ZNF91: variants seen among roughly 807,000 people sequenced by gnomAD.
ZNF91 encodes zinc finger protein 91, also known as zinc finger protein 91 (HPF7, HTF10).
Under a neutral mutation model 12.6 loss-of-function variants are expected in ZNF91, and 7 were observed. That is an observed-to-expected ratio of 0.55 (90% CI 0.31 to 1.04). ZNF91 has a LOEUF of 1.04. Among genes scored for constraint, ZNF91 ranks in the 50% least tolerant of loss-of-function variants. ZNF91 has a pLI of 0.05. For synonymous variants in ZNF91, 453 were observed against 462.6 expected (o/e 0.98, Z 0.27); for missense variants, 1,217 against 1,385.4 (o/e 0.88, Z 1.93).
At chr19:23,314,391 G>A (rs973307145), upstream of ZNF91, among the ~76,000 whole-genome samples, 2 of 151,990 alleles carry the variant, frequency 1.3e-5, no homozygotes, top group African/African-American at 4.8e-5. Context: ...GTCCCTGGAT[G>A]CAGCCCACAG....
At chr19:23,348,876 C>T (rs189738067) in intron 3 of ZNF91, among the ~76,000 whole-genome samples, 215 of 152,148 alleles carry the variant, frequency 1.4e-3, no homozygotes, top group Non-Finnish European at 2.6e-3. Context: ...AATTAATAAC[C>T]CTGGGGAAGG....
intron 1 of ZNF91, among the ~76,000 whole-genome samples, chr19:23,382,769 A>C (rs1326322629): frequency 6.6e-6 from 1 of 152,178 alleles, no homozygotes; most frequent in Non-Finnish European, 1.5e-5. Context: ...AAATGAAAAA[A>C]AGTATTAAGG....
At chr19:23,365,255 A>C (rs538245123) in intron 3 of ZNF91, among the ~76,000 whole-genome samples, 2 of 151,686 alleles carry the variant, frequency 1.3e-5, no homozygotes, top group Non-Finnish European at 2.9e-5. Context: ...AAAATTTCCA[A>C]AATAAAAAGT....
intron 1 of ZNF91, among the ~76,000 whole-genome samples, chr19:23,389,225 T>C (rs1969979143): frequency 6.6e-6 from 1 of 152,102 alleles, no homozygotes; most frequent in African/African-American, 2.4e-5. Flanking sequence ...GTGCTACAGA[T>C]AGTGGCCCAG....
intron 3 of ZNF91, among the ~76,000 whole-genome samples, chr19:23,352,021 GA>G (rs1422102089): frequency 2.0e-5 from 3 of 152,198 alleles, no homozygotes; most frequent in Non-Finnish European, 4.4e-5. Context: ...GCAAGAATTT[GA>G]ATGAGGCAAG....
intron 3 of ZNF91, among the ~76,000 whole-genome samples, chr19:23,344,963 G>C (rs201672366): frequency 6.6e-6 from 1 of 152,230 alleles, no homozygotes; most frequent in Admixed American, 6.5e-5. Context: ...CATGCCCCTC[G>C]GTCACTGATC....
chr19:23,360,035 T>A lies in ZNF91; in HGVS notation c.2944A>T (p.Thr982Ser), dbSNP rs749308082. 8 of 1,613,316 alleles carry A rather than the reference T, an allele frequency of 5.0e-6. No homozygotes were observed. Among genetic ancestry groups the A allele is most frequent in the African/African-American group, 4.0e-5 (3 of 74,926 alleles). The change falls in exon 4 of 4, where the codon ACT becomes TCT. Residue 982 changes from threonine to serine, a missense_variant. Thr to Ser is a moderately conservative substitution (Grantham distance 58). This residue lies in a region of ZNF91 where 491 missense variants were observed against 489.8 expected (regional missense o/e 1.00). Coordinates refer to ENST00000300619, the MANE Select transcript of ZNF91 (RefSeq NM_003430.4). The part of the protein sequence containing the change: ...GKAFRKSSTL[T>S]EHKIIHTGEK... ...CCAGTATGAATTATCTTATGTTCAGTAAGAGTTGAAGATTTCCTAAAAGCT... is the reference window on the plus strand; with the variant it reads ...CCAGTATGAATTATCTTATGTTCAGAAAGAGTTGAAGATTTCCTAAAAGCT...
intron 3 of ZNF91, among the ~76,000 whole-genome samples, chr19:23,367,017 G>C (rs1298896516): frequency 6.6e-6 from 1 of 152,226 alleles, no homozygotes; most frequent in Non-Finnish European, 1.5e-5. Flanking sequence ...TGCCAGGTGG[G>C]TGGTGTAGCT....
chr19:23,326,724 T>A (rs1967845580), intron 1 of ZNF91: 1 of 152,178 alleles, frequency 6.6e-6, no homozygotes, highest in East Asian at 1.9e-4. Flanking sequence ...TACTACACAT[T>A]CAGCAAAGGA....
chr19:23,352,218 C>T (rs2145030604), intron 3 of ZNF91, among the ~76,000 whole-genome samples: 1 of 152,256 alleles, frequency 6.6e-6, no homozygotes, highest in African/African-American at 2.4e-5. Flanking sequence ...GAAAGTGAGA[C>T]CCGCTCTTTG....
intron 1 of ZNF91, among the ~76,000 whole-genome samples, chr19:23,378,604 T>C (rs1969588005): frequency 1.3e-5 from 2 of 152,214 alleles, no homozygotes; most frequent in South Asian, 4.1e-4. Context: ...TTTTAGATGA[T>C]AAATAAGTAT....
Position 23,395,470 on chromosome 19 carries a change from A to G in ZNF91, c.-116T>C. On this transcript the variant is annotated 5_prime_UTR_variant, in exon 1 of 4. Coordinates refer to ENST00000300619, the MANE Select transcript of ZNF91 (RefSeq NM_003430.4). ...CTGGAAACTCCGGCGGCAGCGAGAG[A>G]CAAAGGCCCAGCCACATCCCGGAAG... 7.8e-7 allele frequency: 1 copy of G among 1,281,364 alleles called. No individual in the cohort carries two copies. The highest frequency in any genetic ancestry group is 1.1e-6 in the Non-Finnish European group (1 of 908,558). 79.4% of individuals were successfully genotyped at this position (1,281,364 alleles called of 1,614,324 possible).
intron 3 of ZNF91, among the ~76,000 whole-genome samples, chr19:23,348,532 A>G (rs972812398): frequency 6.6e-6 from 1 of 152,184 alleles, no homozygotes; most frequent in East Asian, 1.9e-4. Context: ...TCATCTTTGT[A>G]AGCTGAGGAT....
chr19:23,344,015 T>G (rs148712887), intron 3 of ZNF91, among the ~76,000 whole-genome samples: 1 of 152,212 alleles, frequency 6.6e-6, no homozygotes, highest in Admixed American at 6.5e-5. Flanking sequence ...AATGGACAGA[T>G]TGGCATCAGG....
In ZNF91 at chr19:23,361,288, T is replaced by C. The variant is rs541056564; in HGVS notation, c.1691A>G (p.His564Arg). The C allele has an allele frequency of 6.2e-6, 10 of 1,613,648 alleles. No homozygotes were observed. The African/African-American group carries it at 1.2e-4, about 19-fold the overall frequency. The change falls in exon 4 of 4, where the codon CAT (histidine) becomes CGT (arginine). Residue 564 changes from histidine (H) to arginine (R), a missense_variant. By Grantham distance (29) the His-to-Arg change is conservative (BLOSUM62 0). This residue lies in a region of ZNF91 where 726 missense variants were observed against 895.5 expected (regional missense o/e 0.81). Transcript: ENST00000300619. Reference protein sequence around the residue: ...AFKQFSTLTTHKIIHAGKKLY... With the variant: ...AFKQFSTLTTRKIIHAGKKLY... ...TTTCTTTCCAGCATGAATTATTTTA[T>C]GTGTAGTAAGGGTTGAGAATTGCTT...
At chr19:23,337,737 A>G (rs1968043299), downstream of ZNF91, 1 of 152,054 alleles carries the variant, frequency 6.6e-6, no homozygotes, top group South Asian at 2.1e-4. Context: ...AGAAATCTGA[A>G]AACCAGTACA....
intron 1 of ZNF91, among the ~76,000 whole-genome samples, chr19:23,322,635 A>G (rs554490757): frequency 6.6e-6 from 1 of 150,912 alleles, no homozygotes; most frequent in Non-Finnish European, 1.5e-5. Context: ...TCACAAAGTG[A>G]TAACTTTTTT....
At position 23,376,024 on chromosome 19, in the gene ZNF91, T is replaced by C. The variant is rs1010180399; in HGVS notation, c.31-1260A>G. 9.9e-5 allele frequency among the ~76,000 whole-genome samples: 15 copies of C among 152,218 alleles called. 1 individual carries two copies. Among genetic ancestry groups the C allele is most frequent in the Admixed American group, 5.2e-4 (8 of 15,282 alleles). ...ATTTTTAATAGTGATTTTAAGTACT[T>C]TCTTTAACACCCTAATAAGCAGCTA... On this transcript the variant is annotated intron_variant, in intron 1 of 3. Coordinates refer to ENST00000300619, the MANE Select transcript of ZNF91 (RefSeq NM_003430.4).
intron 1 of ZNF91, among the ~76,000 whole-genome samples, chr19:23,387,751 CCAACAT>C (rs1045849023): frequency 1.8e-4 from 27 of 150,824 alleles, no homozygotes; most frequent in Non-Finnish European, 2.1e-4. Context: ...ACTAGCCTGG[CCAACAT>C]GGTAAAACCC....
Sources: gnomAD v4.1 joint callset for allele counts (sites outside exome capture counted in the v4.1 genomes callset) on GRCh38, gnomAD v4.1.1 for gene constraint, gnomAD v4.1.1 regional missense constraint, MANE v1.5 for transcripts, NCBI Gene and HGNC (gene_info 2026-07-23, HGNC 2026-07-21) for gene names.